JDP2: variants seen among roughly 807,000 people sequenced by gnomAD.
The protein encoded by JDP2 is Jun dimerization protein 2, also known as progesterone receptor co-activator.
A neutral mutation model predicts 17.1 loss-of-function variants in JDP2; 9 were observed. That is an observed-to-expected ratio of 0.53 (90% CI 0.32 to 0.92). JDP2 has a LOEUF of 0.92. Among genes scored for constraint, JDP2 ranks in the 40% least tolerant of loss-of-function variants. The probability of loss-of-function intolerance (pLI) is 0.04; values close to 1 mark genes in which losing one functional copy is unlikely to be tolerated. For synonymous variants in JDP2, 107 were observed against 95.6 expected, an observed-to-expected ratio of 1.12 and a Z score of -0.69; for missense variants, 179 against 220.0, an observed-to-expected ratio of 0.81 and a Z score of 1.18.
In JDP2 at chr14:75,430,951, T is replaced by A. The variant is rs1256096572; in HGVS notation, c.-24+2699T>A. Among the ~76,000 whole-genome samples the A allele has an allele frequency of 6.6e-6, 1 of 152,096 alleles. No homozygotes were observed. Among genetic ancestry groups the A allele is most frequent in the East Asian group, 1.9e-4 (1 of 5,198 alleles). ...GCCAGAGCCCACCATTCTTAGTTGT[T>A]GTTGTTTTTTAGTCTGTTTTCTTGC... is the stretch of plus-strand genomic sequence containing the variant. On this transcript the variant is annotated intron_variant, in intron 1 of 3. Coordinates refer to ENST00000651602, the MANE Select transcript of JDP2 (RefSeq NM_001135048.2). The surrounding 1 kb of genome is among the most constrained non-coding windows in gnomAD (Gnocchi z 4.5).
At chr14:75,433,905 A>G (rs1006610569) in intron 1 of JDP2, among the ~76,000 whole-genome samples, 1 of 152,120 alleles carries the variant, frequency 6.6e-6, no homozygotes, top group African/African-American at 2.4e-5. Flanking sequence ...CTAGTTACTC[A>G]TGGAGACACT....
At chr14:75,433,542 C>T (rs1884915184) in intron 1 of JDP2, among the ~76,000 whole-genome samples, 1 of 133,316 alleles carries the variant, frequency 7.5e-6, no homozygotes, top group Non-Finnish European at 1.5e-5. Flanking sequence ...GTACAGCTCT[C>T]AGACCTTTTT....
intron 3 of JDP2, among the ~76,000 whole-genome samples, chr14:75,461,772 G>T (rs1886359366): frequency 6.6e-6 from 1 of 152,214 alleles, no homozygotes; most frequent in Non-Finnish European, 1.5e-5. Flanking sequence ...CAAGAAGGAA[G>T]GAGGAGCCAA....
intron 1 of JDP2, among the ~76,000 whole-genome samples, chr14:75,435,175 C>T (rs1402990855): frequency 1.3e-5 from 2 of 152,218 alleles, no homozygotes; most frequent in East Asian, 1.9e-4. Flanking sequence ...CTACAGGGCC[C>T]TGGAGCGGCC....
intron 2 of JDP2, among the ~76,000 whole-genome samples, chr14:75,459,935 C>T (rs896061928): frequency 6.6e-6 from 1 of 152,176 alleles, no homozygotes; most frequent in African/African-American, 2.4e-5. Context: ...AGTTTGAATC[C>T]TAATCTGCTA....
At chr14:75,463,820 T>G (rs1886446492) in intron 3 of JDP2, among the ~76,000 whole-genome samples, 1 of 152,148 alleles carries the variant, frequency 6.6e-6, no homozygotes, top group Non-Finnish European at 1.5e-5. Context: ...GCATGCCCAT[T>G]CTGTGCCTGT....
chr14:75,438,887 CG>C (rs1885203325), intron 2 of JDP2, among the ~76,000 whole-genome samples: 1 of 152,246 alleles, frequency 6.6e-6, no homozygotes, highest in Non-Finnish European at 1.5e-5. Flanking sequence ...CAGGGCTGGC[CG>C]TTTCTCTGAA....
rs373668090 is a variant in JDP2, at chr14:75,432,333, G to A, written c.-24+4081G>A. On this transcript the variant is annotated intron_variant, in intron 1 of 3. Coordinates refer to ENST00000651602, the MANE Select transcript of JDP2 (RefSeq NM_001135048.2). The stretch of plus-strand genomic sequence containing the variant: ...GGTTGATTCTCCAAGATTCATGGTA[G>A]CAGGTACTATGCGCCATGACCCCTG... The A allele has an allele frequency of 4.5e-5, 70 of 1,551,426 alleles. No homozygotes were observed. Among genetic ancestry groups the A allele is most frequent in the Non-Finnish European group, 5.8e-5 (67 of 1,146,878 alleles).
intron 1 of JDP2, among the ~76,000 whole-genome samples, chr14:75,429,129 G>A (rs1884672529): frequency 6.6e-6 from 1 of 152,190 alleles, no homozygotes; most frequent in African/African-American, 2.4e-5. Flanking sequence ...GAGGAGCAGG[G>A]AAGATGAGGA....
In JDP2 at chr14:75,430,050, G is replaced by T. The variant is rs1323413196; in HGVS notation, c.-24+1798G>T. Among the ~76,000 whole-genome samples, 4 of 152,148 alleles carry T rather than the reference G, an allele frequency of 2.6e-5. No homozygotes were observed. Among genetic ancestry groups the T allele is most frequent in the African/African-American group, 9.7e-5 (4 of 41,426 alleles). ...CCCCCTAGGAAGGGTTTGGATAAGG[G>T]TCTCCCCACTCATCCACTGCCTAAC... On this transcript the variant is annotated intron_variant, in intron 1 of 3. Transcript: ENST00000651602. This position sits in a 1 kb window ranked among gnomAD's most constrained non-coding sequence, Gnocchi z 4.5.
intron 2 of JDP2, among the ~76,000 whole-genome samples, chr14:75,442,957 T>C (rs1290919747): frequency 6.6e-6 from 1 of 152,170 alleles, no homozygotes; most frequent in East Asian, 1.9e-4. Context: ...CTTTCCAACG[T>C]AGGGCAGTTT....
At chr14:75,429,137 G>A (rs1263558284) in intron 1 of JDP2, among the ~76,000 whole-genome samples, 1 of 152,186 alleles carries the variant, frequency 6.6e-6, no homozygotes, top group African/African-American at 2.4e-5. Flanking sequence ...GGGAAGATGA[G>A]GAGGCTGGGG....
At chr14:75,461,603 C>A (rs1886351803) in intron 3 of JDP2, 73 bp downstream of exon 3, 2 of 1,157,792 alleles carry the variant, frequency 1.7e-6, no homozygotes, top group Non-Finnish European at 2.5e-6. Context: ...CCAGGAGAGG[C>A]CATCAGATGT....
intron 2 of JDP2, among the ~76,000 whole-genome samples, chr14:75,444,635 A>G (rs1885510281): frequency 6.6e-6 from 1 of 152,252 alleles, no homozygotes; most frequent in South Asian, 2.1e-4. Flanking sequence ...CATACTGCAC[A>G]TGGTGACTGG....
chr14:75,427,685 G>C (rs917531660), upstream of JDP2: 1 of 153,168 alleles, frequency 6.5e-6, no homozygotes, highest in Non-Finnish European at 1.5e-5. The surrounding 1 kb of genome is among the most constrained non-coding windows in gnomAD (Gnocchi z 4.4). Flanking sequence ...GCGGTGCGCG[G>C]GGGGTGCGCT....
At chr14:75,443,869 T>C (rs1885470473) in intron 2 of JDP2, among the ~76,000 whole-genome samples, 1 of 151,818 alleles carries the variant, frequency 6.6e-6, no homozygotes, top group African/African-American at 2.4e-5. Flanking sequence ...TATCTTAAAG[T>C]GAGGATAATA....
In JDP2 at chr14:75,473,791, T is replaced by A. The variant is rs1886859003; in HGVS notation, c.*4316T>A. The A allele has an allele frequency of 6.6e-6, 1 of 152,210 alleles. No individual in the cohort carries two copies. The highest frequency in any genetic ancestry group is 2.1e-4 in the South Asian group (1 of 4,832). The allele number at this position is 152,210 out of a possible 1,614,324, so 9.4% of individuals were successfully genotyped here. On this transcript the variant is annotated 3_prime_UTR_variant, in exon 4 of 4. Transcript: ENST00000651602. Reference sequence around the variant, plus strand: ...ACGTTGATACTTTATTGTTTATGGCTACACACACATCTGGGTAATAGAGGT... The same window carrying A: ...ACGTTGATACTTTATTGTTTATGGCAACACACACATCTGGGTAATAGAGGT...
intron 2 of JDP2, chr14:75,445,679 A>G: frequency 1.3e-6 from 1 of 770,794 alleles, no homozygotes; most frequent in Non-Finnish European, 1.6e-6. Flanking sequence ...AAATGGATCG[A>G]AGGCCTAAAT....
At chr14:75,433,946 G>A (rs1884939627) in intron 1 of JDP2, among the ~76,000 whole-genome samples, 1 of 152,094 alleles carries the variant, frequency 6.6e-6, no homozygotes, top group African/African-American at 2.4e-5. Flanking sequence ...CAGACCTCCT[G>A]GGCCCTGAAG....
Sources: allele counts gnomAD v4.1 joint callset (sites outside exome capture counted in the v4.1 genomes callset), GRCh38; gene constraint gnomAD v4.1.1; non-coding constraint Gnocchi (gnomAD v3.1); transcripts MANE v1.5; gene names NCBI Gene and HGNC (gene_info 2026-07-23, HGNC 2026-07-21).